The following RALGAPA1 variants were observed in gnomAD, a reference collection of about 807,000 sequenced individuals.
RALGAPA1 encodes the protein ral GTPase-activating protein subunit alpha-1.
RALGAPA1 carries 52 observed loss-of-function variants against 269.6 expected under a neutral mutation model. That is an observed-to-expected ratio of 0.19 (90% CI 0.15 to 0.24). The LOEUF (loss-of-function observed/expected upper bound fraction) is 0.24, where lower values mean the gene tolerates loss of function less well. Ranked by LOEUF, RALGAPA1 falls within the 10% of genes least tolerant of loss-of-function variation. RALGAPA1 has a pLI of 1.00. For synonymous variants in RALGAPA1, 817 were observed against 1,008.3 expected, an observed-to-expected ratio of 0.81 and a Z score of 3.60; for missense variants, 1,917 against 3,013.9, an observed-to-expected ratio of 0.64 and a Z score of 8.52.
intron 33 of RALGAPA1, among the ~76,000 whole-genome samples, chr14:35,629,979 A>C (rs1429776970): frequency 1.3e-5 from 2 of 152,162 alleles, no homozygotes; most frequent in Non-Finnish European, 2.9e-5. Context: ...CTAACTTTAA[A>C]AAAAAAGGGA....
At chr14:35,558,011 C>G (rs1488295789) in intron 39 of RALGAPA1, among the ~76,000 whole-genome samples, 1 of 151,618 alleles carries the variant, frequency 6.6e-6, no homozygotes, top group African/African-American at 2.4e-5. Flanking sequence ...TTCTTTGCAA[C>G]AAAACTACAC....
chr14:35,722,823 A>G (rs2069551438), intron 15 of RALGAPA1, among the ~76,000 whole-genome samples: 1 of 152,208 alleles, frequency 6.6e-6, no homozygotes, highest in South Asian at 2.1e-4. Flanking sequence ...ATAGAGTAAC[A>G]TTAAACCACC....
At chr14:35,780,819 C>T (rs996181667) in intron 1 of RALGAPA1, among the ~76,000 whole-genome samples, 2 of 152,036 alleles carry the variant, frequency 1.3e-5, no homozygotes, top group Non-Finnish European at 2.9e-5. Flanking sequence ...TGGCTGGGTG[C>T]GTTGGTTCAC....
chr14:35,670,868 AG>A (rs1478754036), intron 26 of RALGAPA1, among the ~76,000 whole-genome samples: 2 of 151,914 alleles, frequency 1.3e-5, no homozygotes, highest in African/African-American at 4.8e-5. Context: ...GGCTGCAGTG[AG>A]CCAAGATCGC....
intron 4 of RALGAPA1, among the ~76,000 whole-genome samples, chr14:35,763,263 C>A (rs1276379394): frequency 6.6e-6 from 1 of 151,932 alleles, no homozygotes; most frequent in Non-Finnish European, 1.5e-5. Flanking sequence ...ATGAACAAAC[C>A]TGCAGAGGAC....
intron 6 of RALGAPA1, among the ~76,000 whole-genome samples, chr14:35,760,445 C>T (rs1026348730): frequency 3.3e-5 from 5 of 152,220 alleles, no homozygotes; most frequent in African/African-American, 1.2e-4. Flanking sequence ...TAACAATCTA[C>T]AGCCCACTGG....
At chr14:35,713,138 C>T (rs954899503) in intron 16 of RALGAPA1, among the ~76,000 whole-genome samples, 1 of 152,092 alleles carries the variant, frequency 6.6e-6, no homozygotes, top group African/African-American at 2.4e-5. Context: ...AGGTAGAAAA[C>T]GGATCTGGAG....
chr14:35,625,970 T>G (rs2060967261), intron 34 of RALGAPA1, among the ~76,000 whole-genome samples: 1 of 152,120 alleles, frequency 6.6e-6, no homozygotes, highest in Non-Finnish European at 1.5e-5. Flanking sequence ...AAAATACAGC[T>G]TCTCATCTTT....
rs1316575841 is a variant in RALGAPA1, at chr14:35,627,184, C to T, written c.6763G>A (p.Glu2255Lys). 4 of 1,594,230 alleles carry T rather than the reference C, an allele frequency of 2.5e-6. No homozygotes were observed. In the Admixed American group the frequency reaches 5.5e-5, roughly 22 times the overall value. ...HFNDLNMKAVEQDEPIPQKPQ... is the reference protein window; with the variant it reads ...HFNDLNMKAVKQDEPIPQKPQ... ...TTTTGAGGTATTGGTTCATCTTGTT[C>T]CACAGCTTTCATGTTTAAGTCATTA... is the stretch of plus-strand genomic sequence containing the variant. The change falls in exon 34 of 42, where the codon GAA becomes AAA. Residue 2255 changes from glutamate (E) to lysine (K), a missense_variant. Glu to Lys is a moderately conservative substitution (Grantham distance 56). Transcript: ENST00000680220.
chr14:35,798,712 T>C, intron 1 of RALGAPA1, among the ~76,000 whole-genome samples: 1 of 152,140 alleles, frequency 6.6e-6, no homozygotes, highest in East Asian at 1.9e-4. Context: ...AAATATCGGC[T>C]GGGCACAGTG....
intron 10 of RALGAPA1, among the ~76,000 whole-genome samples, chr14:35,743,816 T>G (rs777195303): frequency 1.1e-4 from 17 of 152,186 alleles, no homozygotes; most frequent in Admixed American, 3.3e-4. Context: ...TTATGTATAA[T>G]CAAGTTCTAT....
chr14:35,771,197 C>T (rs1317468441), intron 3 of RALGAPA1, among the ~76,000 whole-genome samples, 198 bp from the exon 4 acceptor site: 1 of 152,012 alleles, frequency 6.6e-6, no homozygotes, highest in African/African-American at 2.4e-5. Context: ...AGTTCGAGAC[C>T]AGCCTGGCCA....
chr14:35,779,510 A>G (rs962917001), intron 1 of RALGAPA1, among the ~76,000 whole-genome samples: 6 of 151,980 alleles, frequency 3.9e-5, no homozygotes, highest in Non-Finnish European at 8.8e-5. Flanking sequence ...TCTAGGCAAC[A>G]AAGCGAGACC....
At chr14:35,800,540 A>G (rs2076891401) in intron 1 of RALGAPA1, among the ~76,000 whole-genome samples, 1 of 152,254 alleles carries the variant, frequency 6.6e-6, no homozygotes, top group Admixed American at 6.5e-5. Context: ...TTGGAACTAA[A>G]TGAAAATGAA....
chr14:35,776,717 G>A (rs1005291151), intron 1 of RALGAPA1, among the ~76,000 whole-genome samples: 1 of 152,158 alleles, frequency 6.6e-6, no homozygotes, highest in Admixed American at 6.6e-5. Flanking sequence ...TTTAAGGACA[G>A]GAAGAACACT....
chr14:35,559,050 A>G (rs1289957505), intron 39 of RALGAPA1, among the ~76,000 whole-genome samples: 1 of 152,188 alleles, frequency 6.6e-6, no homozygotes, highest in East Asian at 1.9e-4. Context: ...AAGCTTCACT[A>G]AAAACTGAAC....
At chr14:35,747,579 A>G (rs569272465) in intron 10 of RALGAPA1, among the ~76,000 whole-genome samples, 1 of 152,302 alleles carries the variant, frequency 6.6e-6, no homozygotes, top group South Asian at 2.1e-4. Flanking sequence ...TGTGGAGATC[A>G]AGATTATTTG....
Position 35,700,262 on chromosome 14 carries a change from C to T in RALGAPA1, c.2307G>A (p.Ser769=), listed in dbSNP as rs187397299. The change falls in exon 17 of 42, where the codon TCG becomes TCA. Residue 769 remains serine (S), a synonymous_variant. Transcript: ENST00000680220. ...SRSIGECALP[S]AYIRSAKSAP... ...CACTTTTAGCACTGCGTATATAGGC[C>T]GATGGCAGAGCACATTCACCAATGG... 227 of 1,532,804 alleles carry T rather than the reference C, an allele frequency of 1.5e-4. 1 individual carries two copies. The East Asian group carries it at 4.2e-3, about 28-fold the overall frequency. 95.0% of individuals were successfully genotyped at this position (1,532,804 alleles called of 1,614,324 possible). A position where few individuals can be genotyped will look rare whatever the true frequency, so the allele number is the denominator to read the frequency against.
chr14:35,560,786 A>C (rs1358395389), intron 39 of RALGAPA1, among the ~76,000 whole-genome samples: 1 of 152,206 alleles, frequency 6.6e-6, no homozygotes, highest in Non-Finnish European at 1.5e-5. Context: ...GAGACCATTA[A>C]GAGACAATGC....
Sources: gnomAD v4.1 joint callset for allele counts (sites outside exome capture counted in the v4.1 genomes callset) on GRCh38, gnomAD v4.1.1 for gene constraint, MANE v1.5 for transcripts, NCBI Gene and HGNC (gene_info 2026-07-23, HGNC 2026-07-21) for gene names.